Variants in CDKN2A observed in about 807,000 individuals in gnomAD.
The protein encoded by CDKN2A is cyclin-dependent kinase inhibitor 2A.
Under a neutral mutation model 11.1 loss-of-function variants are expected in CDKN2A, and 3 were observed. The ratio of observed to expected loss-of-function variants is 0.27; its 90% CI spans 0.12 to 0.70. The LOEUF (loss-of-function observed/expected upper bound fraction) is 0.70, where lower values mean the gene tolerates loss of function less well. Among genes scored for constraint, CDKN2A ranks in the 30% least tolerant of loss-of-function variants. The probability of loss-of-function intolerance (pLI) is 0.77; values close to 1 mark genes in which losing one functional copy is unlikely to be tolerated. For synonymous variants in CDKN2A, 122 were observed against 108.1 expected (o/e 1.13, Z -0.80); for missense variants, 265 against 233.6 (o/e 1.13, Z -0.88).
intron 2 of CDKN2A, among the ~76,000 whole-genome samples, chr9:21,981,554 T>G (rs562535991): frequency 3.3e-5 from 5 of 152,008 alleles, no homozygotes; most frequent in Non-Finnish European, 5.9e-5. Context: ...TCCCTTTAAT[T>G]TAGAAAAGCA....
upstream of CDKN2A, among the ~76,000 whole-genome samples, chr9:21,979,217 C>T (rs1159403198): frequency 6.6e-6 from 1 of 152,194 alleles, no homozygotes; most frequent in Non-Finnish European, 1.5e-5. Context: ...TTCATTTAGA[C>T]TTATTCCTGA....
intron 2 of CDKN2A, among the ~76,000 whole-genome samples, chr9:21,993,191 T>C (rs1820473967): frequency 6.6e-6 from 1 of 152,250 alleles, no homozygotes; most frequent in Non-Finnish European, 1.5e-5. Flanking sequence ...AAGTGAAGCC[T>C]CATTAAATTA....
At chr9:21,975,356 G>A (rs556586436), upstream of CDKN2A, among the ~76,000 whole-genome samples, 1 of 152,108 alleles carries the variant, frequency 6.6e-6, no homozygotes, top group African/African-American at 2.4e-5. Flanking sequence ...TGGTGTCATA[G>A]GGAAAGTATG....
chr9:21,971,696 G>C (rs1819770778), intron 1 of CDKN2A, among the ~76,000 whole-genome samples: 2 of 150,766 alleles, frequency 1.3e-5, no homozygotes, highest in Non-Finnish European at 2.9e-5. Flanking sequence ...GTTACACTTA[G>C]CTTCTGGGAA....
rs1001405220 is a variant in CDKN2A at position 21,971,101 on chromosome 9, G to A, written c.258C>T (p.Ala86=). ...ATLTRPVHDA[A]REGFLDTLVV... ...CCAGCGTGTCCAGGAAGCCCTCCCG[G>A]GCAGCGTCGTGCACGGGTCGGGTGA... The change falls in exon 2 of 3, where the codon GCC becomes GCT. Residue 86 remains alanine, a synonymous_variant. Coordinates refer to ENST00000304494, the MANE Select transcript of CDKN2A (RefSeq NM_000077.5). The A allele has an allele frequency of 1.2e-6, 2 of 1,604,598 alleles. No individual in the cohort carries two copies. The highest frequency in any genetic ancestry group is 2.7e-5 in the African/African-American group (2 of 74,904).
chr9:21,973,097 T>C (rs1219800830), intron 1 of CDKN2A, among the ~76,000 whole-genome samples: 3 of 152,174 alleles, frequency 2.0e-5, no homozygotes, highest in Non-Finnish European at 2.9e-5. Flanking sequence ...TATTTATTGT[T>C]TTGTGTATTC....
intron 2 of CDKN2A, among the ~76,000 whole-genome samples, chr9:21,987,464 C>A (rs1820329991): frequency 8.1e-6 from 1 of 124,210 alleles, no homozygotes; most frequent in Non-Finnish European, 1.8e-5. Flanking sequence ...GAGATCCATT[C>A]ATCCTGCACG....
At chr9:21,969,172 G>A (rs192249297) in intron 2 of CDKN2A, among the ~76,000 whole-genome samples, 14 of 152,330 alleles carry the variant, frequency 9.2e-5, no homozygotes, top group Non-Finnish European at 1.3e-4. Context: ...TTTAGGAGGA[G>A]GAGGGGGGAT....
rs1587338507 is a variant in CDKN2A, at chr9:21,974,392, T to C, written c.150+286A>G. The C allele has an allele frequency of 1.1e-5, 18 of 1,578,504 alleles. No homozygotes were observed. The East Asian group carries it at 4.0e-4, about 35-fold the overall frequency. On this transcript the variant is annotated intron_variant, in intron 1 of 2. Transcript: ENST00000304494. This position sits in a 1 kb window ranked among gnomAD's most constrained non-coding sequence, Gnocchi z 5.2. ...AAACGTTCGTAAATTTTGTATCTGATAAAGAGCATACTTCCATCTAATACA... is the reference window on the plus strand; with the variant it reads ...AAACGTTCGTAAATTTTGTATCTGACAAAGAGCATACTTCCATCTAATACA...
rs1446068211 is a variant in CDKN2A, at chr9:21,988,368, G to A, written c.-4+5514C>T. On this transcript the variant is annotated intron_variant, in intron 2 of 3. Transcript: ENST00000494262. The surrounding 1 kb of genome is among the most constrained non-coding windows in gnomAD (Gnocchi z 4.1). Reference sequence around the variant, plus strand: ...ACTATTTTTTGAAAGGACCTCTGATGCTTTGGGAATTTCAATCCTGTAGTT... The same window carrying A: ...ACTATTTTTTGAAAGGACCTCTGATACTTTGGGAATTTCAATCCTGTAGTT... Among the ~76,000 whole-genome samples the A allele has an allele frequency of 5.3e-5, 8 of 152,116 alleles. No individual in the cohort carries two copies. Among genetic ancestry groups the A allele is most frequent in the Admixed American group, 3.9e-4 (6 of 15,274 alleles).
upstream of CDKN2A, among the ~76,000 whole-genome samples, chr9:21,977,348 T>C (rs1820061401): frequency 2.0e-5 from 3 of 152,068 alleles, no homozygotes; most frequent in Admixed American, 2.0e-4. Context: ...TTCTTTCTTT[T>C]TGTTTGTTTG....
rs59981968 is a variant in CDKN2A at position 21,971,575 on chromosome 9, A to ATTTTTTTTTTTTTTTTTTTT, written c.151-368_151-367insAAAAAAAAAAAAAAAAAAAA. 4.7e-3 allele frequency among the ~76,000 whole-genome samples: 524 copies of ATTTTTTTTTTTTTTTTTTTT among 111,250 alleles called. 33 individuals are homozygous for ATTTTTTTTTTTTTTTTTTTT. Among genetic ancestry groups the ATTTTTTTTTTTTTTTTTTTT allele is most frequent in the African/African-American group, 0.013 (301 of 22,846 alleles). The allele number at this position is 111,250 out of a possible 152,430, so 73.0% of individuals were successfully genotyped here. ...TCCTGAAATTATGTTAGGCCTGGAG[A>ATTTTTTTTTTTTTTTTTTTT]TTTTTTTTTTTTTTTTTGTTCACTG... is the stretch of plus-strand genomic sequence containing the variant. On this transcript the variant is annotated intron_variant, in intron 1 of 2. Coordinates refer to ENST00000304494, the MANE Select transcript of CDKN2A (RefSeq NM_000077.5).
At chr9:21,983,088 T>C (rs1032387238) in intron 2 of CDKN2A, among the ~76,000 whole-genome samples, 1 of 152,084 alleles carries the variant, frequency 6.6e-6, no homozygotes, top group African/African-American at 2.4e-5. Flanking sequence ...TTACTGACTC[T>C]CCATTTTCAG....
rs1819545716 is a variant in CDKN2A at position 21,968,861 on chromosome 9, C to T, written c.458-619G>A. The T allele has an allele frequency of 1.5e-6, 2 of 1,307,588 alleles. No individual in the cohort carries two copies. The highest frequency in any genetic ancestry group is 1.3e-5 in the South Asian group (1 of 79,294). The allele number at this position is 1,307,588 out of a possible 1,614,324, so 81.0% of individuals were successfully genotyped here. The stretch of plus-strand genomic sequence containing the variant: ...TGCGTATGGGCTCCAGCTCGCCGTT[C>T]GGTTCTCCCGAGGCAGCATTTACAC... On this transcript the variant is annotated intron_variant, in intron 2 of 2. Transcript: ENST00000304494. This position sits in a 1 kb window ranked among gnomAD's most constrained non-coding sequence, Gnocchi z 4.7.
intron 1 of CDKN2A, among the ~76,000 whole-genome samples, chr9:21,971,574 GA>G: frequency 1.8e-5 from 1 of 54,076 alleles, no homozygotes; most frequent in African/African-American, 1.6e-4. Flanking sequence ...TAGGCCTGGA[GA>G]TTTTTTTTTT....
In CDKN2A at chr9:21,991,699, C is replaced by A. The variant is rs535131582; in HGVS notation, c.-4+2183G>T. On this transcript the variant is annotated intron_variant, in intron 2 of 3. Coordinates refer to the CDKN2A transcript ENST00000494262. This position sits in a 1 kb window ranked among gnomAD's most constrained non-coding sequence, Gnocchi z 5.2. ...TAATAGATCTGTAAACCATCATAGA[C>A]GGTAATAGGCTATGTTGTTGCTACC... 1 of 981,780 alleles carries A rather than the reference C, an allele frequency of 1.0e-6. No individual in the cohort carries two copies. Among genetic ancestry groups the A allele is most frequent in the African/African-American group, 1.8e-5 (1 of 57,110 alleles). 60.8% of individuals were successfully genotyped at this position (981,780 alleles called of 1,614,324 possible). A position where few individuals can be genotyped will look rare whatever the true frequency, so the allele number is the denominator to read the frequency against.
At position 21,968,177 on chromosome 9, in the gene CDKN2A, G is replaced by A. The variant is rs1242192909; in HGVS notation, c.*52C>T. ...GCAGTTGTGGCCCTGTAGGACCTTC[G>A]GTGACTGATGATCTAAGTTTCCCGA... On this transcript the variant is annotated 3_prime_UTR_variant, in exon 3 of 3. Coordinates refer to ENST00000304494, the MANE Select transcript of CDKN2A (RefSeq NM_000077.5). This position sits in a 1 kb window ranked among gnomAD's most constrained non-coding sequence, Gnocchi z 4.7. 2 of 1,571,810 alleles carry A rather than the reference G, an allele frequency of 1.3e-6. No individual in the cohort carries two copies. The highest frequency in any genetic ancestry group is 1.4e-5 in the African/African-American group (1 of 74,058).
chr9:21,971,615 G>A (rs1439456856), intron 1 of CDKN2A, among the ~76,000 whole-genome samples: 2 of 109,436 alleles, frequency 1.8e-5, no homozygotes, highest in African/African-American at 9.6e-5. Context: ...ATATCCAAGC[G>A]CAGAATGTGG....
chr9:21,972,790 C>T (rs1197532557), intron 1 of CDKN2A, among the ~76,000 whole-genome samples: 1 of 152,154 alleles, frequency 6.6e-6, no homozygotes, highest in South Asian at 2.1e-4. Context: ...GCAGTCATAG[C>T]AACCTTAAAA....
Sources: allele counts gnomAD v4.1 joint callset (sites outside exome capture counted in the v4.1 genomes callset), GRCh38; gene constraint gnomAD v4.1.1; non-coding constraint Gnocchi (gnomAD v3.1); transcripts MANE v1.5; gene names NCBI Gene and HGNC (gene_info 2026-07-23, HGNC 2026-07-21).